SLC30A10: variants seen among roughly 807,000 people sequenced by gnomAD.
SLC30A10 encodes solute carrier family 30 member 10.
Under a neutral mutation model 21.7 loss-of-function variants are expected in SLC30A10, and 8 were observed. The ratio of observed to expected loss-of-function variants is 0.37; its 90% confidence interval spans 0.22 to 0.67. The LOEUF is 0.67. SLC30A10 is among the 30% of genes least tolerant of loss of function. The pLI is 0.58. For synonymous variants in SLC30A10, 272 were observed against 279.4 expected, an observed-to-expected ratio of 0.97 and a Z score of 0.26; for missense variants, 521 against 642.5, an observed-to-expected ratio of 0.81 and a Z score of 2.04.
rs1303829104 is a variant in SLC30A10, at chr1:219,917,293, C to G, written c.958+962G>C. On this transcript the variant is annotated intron_variant, in intron 3 of 3. Coordinates refer to ENST00000366926, the MANE Select transcript of SLC30A10 (RefSeq NM_018713.3). ...GGAATGAGTCACAAAAAGTAGCCCT[C>G]TATTTTTAAAAATATCTGTTTTTAA... 3.9e-5 allele frequency among the ~76,000 whole-genome samples: 6 copies of G among 152,130 alleles called. No individual in the cohort carries two copies. The East Asian group carries it at 5.8e-4, about 15-fold the overall frequency.
rs1410207481 is a variant in SLC30A10 at position 219,953,056 on chromosome 1, G to T, written n.80+5512C>A. Among the ~76,000 whole-genome samples, 3 of 152,160 alleles carry T rather than the reference G, an allele frequency of 2.0e-5. No homozygotes were observed. In the East Asian group the frequency reaches 5.8e-4, roughly 29 times the overall value. Reference sequence around the variant, plus strand: ...GGACAGATACTGTGATCTGTGGTGTGTGCATTCTTATCACCGAATCCTCAT... The same window carrying T: ...GGACAGATACTGTGATCTGTGGTGTTTGCATTCTTATCACCGAATCCTCAT... On this transcript the variant is annotated intron_variant and non_coding_transcript_variant, in intron 1 of 8. Transcript: ENST00000484239.
At chr1:219,921,907 A>AAGAGAG (rs1218617156) in intron 2 of SLC30A10, among the ~76,000 whole-genome samples, 4 of 65,972 alleles carry the variant, frequency 6.1e-5, no homozygotes, top group South Asian at 5.5e-4. Context: ...GTGTGTGTGA[A>AAGAGAG]AGAGAGAGAG....
intron 1 of SLC30A10, among the ~76,000 whole-genome samples, chr1:219,948,374 A>G (rs1291034713): frequency 6.6e-6 from 1 of 152,088 alleles, no homozygotes; most frequent in East Asian, 1.9e-4. Context: ...CTACAAGGCT[A>G]CAGTAACCAA....
In SLC30A10 at chr1:219,915,733, C is replaced by G. The variant is rs774592416; in HGVS notation, c.1174G>C (p.Glu392Gln). The G allele has an allele frequency of 5.6e-6, 9 of 1,614,188 alleles. No individual in the cohort carries two copies. In the South Asian group the frequency reaches 7.7e-5, roughly 14 times the overall value. Residue 392 changes from glutamate (E) to glutamine (Q), a missense_variant, in exon 4 of 4, where the codon GAG becomes CAG. Glu to Gln is a conservative substitution (Grantham distance 29). Transcript: ENST00000366926. The part of the protein sequence containing the change: ...FENVDLKEPL[E>Q]QKDLLLLCNS... ...CAGAGCAACAGTAAGTCCTTCTGCT[C>G]CAGGGGTTCCTTCAAGTCCACATTT...
At chr1:219,945,066 C>G (rs1660170202) in intron 1 of SLC30A10, among the ~76,000 whole-genome samples, 1 of 152,114 alleles carries the variant, frequency 6.6e-6, no homozygotes, top group Admixed American at 6.5e-5. Context: ...AAAAAAAGCC[C>G]ATTTCAAAGG....
intron 1 of SLC30A10, among the ~76,000 whole-genome samples, chr1:219,927,327 A>G (rs1241002280): frequency 6.6e-6 from 1 of 152,120 alleles, no homozygotes; most frequent in Non-Finnish European, 1.5e-5. Context: ...AAACAAAAAG[A>G]GGGTGAATGG....
chr1:219,912,946 C>T lies in SLC30A10; in HGVS notation c.*2503G>A, dbSNP rs904326. 0.018 allele frequency among the ~76,000 whole-genome samples: 2,734 copies of T among 152,226 alleles called. 76 individuals are homozygous for T. The highest frequency in any genetic ancestry group is 0.061 in the African/African-American group (2,525 of 41,540). On this transcript the variant is annotated 3_prime_UTR_variant, in exon 4 of 4. Coordinates refer to ENST00000366926, the MANE Select transcript of SLC30A10 (RefSeq NM_018713.3). ...GTATACAGGAGCACCAAACTGAGTGCCAGTGTTTTTCTAATCTTAAAGGAA... is the reference window on the plus strand; with the variant it reads ...GTATACAGGAGCACCAAACTGAGTGTCAGTGTTTTTCTAATCTTAAAGGAA...
chr1:219,938,088 T>G (rs1433019423), intron 1 of SLC30A10, among the ~76,000 whole-genome samples: 1 of 152,226 alleles, frequency 6.6e-6, no homozygotes, highest in African/African-American at 2.4e-5. Flanking sequence ...TTCTTTGTAG[T>G]ATCTCTATGT....
intron 1 of SLC30A10, among the ~76,000 whole-genome samples, chr1:219,941,458 G>A (rs113681917): frequency 0.043 from 6,460 of 151,842 alleles, 330 homozygotes; most frequent in African/African-American, 0.13. Flanking sequence ...GGCTTCAAGT[G>A]GAAATGGAAT....
intron 1 of SLC30A10, among the ~76,000 whole-genome samples, chr1:219,934,476 GAAGAA>G: frequency 6.6e-6 from 1 of 151,170 alleles, no homozygotes; most frequent in East Asian, 1.9e-4. Context: ...AAAAAAAAAA[GAAGAA>G]AAGCATAGTT....
At chr1:219,920,811 G>A (rs568147117) in intron 2 of SLC30A10, among the ~76,000 whole-genome samples, 4 of 152,166 alleles carry the variant, frequency 2.6e-5, no homozygotes, top group Admixed American at 6.5e-5. Context: ...CCTGAGCTAC[G>A]TGACAGGCAG....
rs1021047363 is a variant in SLC30A10 at position 219,928,456 on chromosome 1, G to T, written c.-16C>A. 1.3e-6 allele frequency: 2 copies of T among 1,589,840 alleles called. No homozygotes were observed. The highest frequency in any genetic ancestry group is 1.4e-5 in the African/African-American group (1 of 73,896). On this transcript the variant is annotated 5_prime_UTR_variant, in exon 1 of 4. Coordinates refer to ENST00000366926, the MANE Select transcript of SLC30A10 (RefSeq NM_018713.3). This position sits in a 1 kb window ranked among gnomAD's most constrained non-coding sequence, Gnocchi z 6.3. ...AGCGGCCCATCTCGCCACCAGCCCC[G>T]GGCGCCCGGCGCCGCCCAGGGGAGC...
intron 1 of SLC30A10, among the ~76,000 whole-genome samples, chr1:219,936,160 G>A (rs1206250504): frequency 1.3e-5 from 2 of 152,224 alleles, no homozygotes; most frequent in East Asian, 1.9e-4. Context: ...TGAAGTTATT[G>A]TACAACTTGG....
chr1:219,923,615 T>C (rs1488002535), intron 2 of SLC30A10, among the ~76,000 whole-genome samples: 1 of 152,244 alleles, frequency 6.6e-6, no homozygotes, highest in African/African-American at 2.4e-5. Context: ...AAAAAGCTAA[T>C]TGTCTTTCTG....
chr1:219,925,724 C>T lies in SLC30A10; in HGVS notation c.718+1304G>A, dbSNP rs1375125040. On this transcript the variant is annotated intron_variant, in intron 2 of 3. Transcript: ENST00000366926. Reference sequence around the variant, plus strand: ...AGGCTGGAGTGCAGTGGTACAATCTCGGCTCACTGCAACCTCCACCTCTGG... The same window carrying T: ...AGGCTGGAGTGCAGTGGTACAATCTTGGCTCACTGCAACCTCCACCTCTGG... Among the ~76,000 whole-genome samples the T allele has an allele frequency of 3.8e-5, 5 of 131,110 alleles. 1 individual carries two copies. The highest frequency in any genetic ancestry group is 1.4e-4 in the African/African-American group (5 of 34,496). The allele number at this position is 131,110 out of a possible 152,430, so 86.0% of individuals were successfully genotyped here. A position where few individuals can be genotyped will look rare whatever the true frequency, so the allele number is the denominator to read the frequency against.
intron 1 of SLC30A10, among the ~76,000 whole-genome samples, chr1:219,954,241 T>G (rs983605585): frequency 6.6e-6 from 1 of 151,924 alleles, no homozygotes; most frequent in African/African-American, 2.4e-5. Context: ...TAATCAGCAG[T>G]GTGTTAAAAC....
At chr1:219,955,595 T>G (rs889109476) in intron 1 of SLC30A10, among the ~76,000 whole-genome samples, 6 of 152,314 alleles carry the variant, frequency 3.9e-5, no homozygotes, top group Non-Finnish European at 7.4e-5. Context: ...TGGTCTTGAT[T>G]TTTTTTACTT....
chr1:219,920,191 T>G (rs1340234194), intron 2 of SLC30A10, among the ~76,000 whole-genome samples: 1 of 152,086 alleles, frequency 6.6e-6, no homozygotes, highest in African/African-American at 2.4e-5. Flanking sequence ...TACATTAACA[T>G]TCTCATTTTC....
intron 1 of SLC30A10, among the ~76,000 whole-genome samples, chr1:219,957,566 C>T (rs569666009): frequency 6.6e-6 from 1 of 152,228 alleles, no homozygotes; most frequent in South Asian, 2.1e-4. Flanking sequence ...TATCAAGTGC[C>T]TACTAAATAC....
Sources: allele counts gnomAD v4.1 joint callset (sites outside exome capture counted in the v4.1 genomes callset), GRCh38; gene constraint gnomAD v4.1.1; non-coding constraint Gnocchi (gnomAD v3.1); transcripts MANE v1.5; gene names NCBI Gene and HGNC (gene_info 2026-07-23, HGNC 2026-07-21).